The following GLIS3 variants were observed in gnomAD, a reference collection of about 807,000 sequenced individuals.
GLIS3 encodes zinc finger protein GLIS3.
GLIS3 carries 53 observed loss-of-function variants against 78.6 expected under a neutral mutation model. The ratio of observed to expected loss-of-function variants is 0.67; its 90% confidence interval spans 0.54 to 0.85. The LOEUF (loss-of-function observed/expected upper bound fraction) is 0.85, where lower values mean the gene tolerates loss of function less well. GLIS3 is among the 40% of genes least tolerant of loss of function. The pLI is 0.00. For synonymous variants in GLIS3, 684 were observed against 509.9 expected, an observed-to-expected ratio of 1.34 and a Z score of -4.60; for missense variants, 1,703 against 1,231.1, an observed-to-expected ratio of 1.38 and a Z score of -5.74.
intron 1 of GLIS3, among the ~76,000 whole-genome samples, chr9:4,291,421 G>C (rs1288208229): frequency 6.6e-6 from 1 of 152,018 alleles, no homozygotes; most frequent in Admixed American, 6.5e-5. Flanking sequence ...AATCTAATCA[G>C]AGATATAAAT....
At chr9:4,138,305 T>G (rs1008971733) in intron 2 of GLIS3, among the ~76,000 whole-genome samples, 2 of 152,214 alleles carry the variant, frequency 1.3e-5, no homozygotes, top group African/African-American at 2.4e-5. Context: ...TACTGGGTGT[T>G]AGGCTTGGTC....
intron 4 of GLIS3, among the ~76,000 whole-genome samples, chr9:3,967,029 A>C (rs1588337643): frequency 7.4e-6 from 1 of 134,378 alleles, no homozygotes. Flanking sequence ...AAAAAAAAAA[A>C]AAAACAAAAA....
At chr9:4,252,033 G>A (rs775795269) in intron 2 of GLIS3, among the ~76,000 whole-genome samples, 2 of 152,094 alleles carry the variant, frequency 1.3e-5, no homozygotes, top group African/African-American at 2.4e-5. Context: ...TGGCTGCCCT[G>A]AACATTTTTT....
At chr9:3,904,286 C>T (rs1823515032) in intron 6 of GLIS3, among the ~76,000 whole-genome samples, 1 of 152,202 alleles carries the variant, frequency 6.6e-6, no homozygotes, top group African/African-American at 2.4e-5. Flanking sequence ...GGGCAAGACT[C>T]ATCCAATCAG....
chr9:3,849,217 G>A (rs1035048706), intron 9 of GLIS3, among the ~76,000 whole-genome samples: 2 of 152,202 alleles, frequency 1.3e-5, no homozygotes, highest in African/African-American at 4.8e-5. Flanking sequence ...AGTCTACCCC[G>A]ACTTCCAAGG....
At chr9:4,112,579 G>C (rs974903914) in intron 4 of GLIS3, among the ~76,000 whole-genome samples, 2 of 152,176 alleles carry the variant, frequency 1.3e-5, no homozygotes, top group African/African-American at 4.8e-5. Flanking sequence ...GGGTACTTCG[G>C]ATGATTCCAG....
chr9:4,490,419 G>C, the GLIS3 span: 1 of 252,086 alleles, frequency 4.0e-6, no homozygotes, highest in Non-Finnish European at 7.4e-6. Flanking sequence ...GGTTGGCCCA[G>C]GCGCCGCAGA....
intron 2 of GLIS3, among the ~76,000 whole-genome samples, chr9:4,190,399 A>G: frequency 6.6e-6 from 1 of 151,778 alleles, no homozygotes. Flanking sequence ...AAGCCTCAGG[A>G]GCCGATGCGA....
At chr9:4,015,168 G>A (rs1376149170) in intron 4 of GLIS3, among the ~76,000 whole-genome samples, 5 of 152,316 alleles carry the variant, frequency 3.3e-5, no homozygotes, top group East Asian at 1.9e-4. Context: ...AAGGAAATCT[G>A]AAAGATATAT....
intron 4 of GLIS3, among the ~76,000 whole-genome samples, chr9:3,951,886 G>GCACGCA: frequency 1.7e-5 from 1 of 60,558 alleles, no homozygotes; most frequent in Non-Finnish European, 3.5e-5. Flanking sequence ...ACACACACAC[G>GCACGCA]CACGCACACA....
intron 6 of GLIS3, among the ~76,000 whole-genome samples, chr9:3,925,126 T>C (rs1405442563): frequency 1.3e-5 from 2 of 152,164 alleles, no homozygotes; most frequent in Admixed American, 6.5e-5. Context: ...TGACAAAATA[T>C]TGTAATGTAA....
chr9:4,459,445 G>C, the GLIS3 span, among the ~76,000 whole-genome samples: 1 of 152,140 alleles, frequency 6.6e-6, no homozygotes, highest in Non-Finnish European at 1.5e-5. Context: ...AAACGAGAGT[G>C]GTATCCCAGA....
chr9:3,921,884 A>G (rs1824911455), intron 6 of GLIS3, among the ~76,000 whole-genome samples: 2 of 151,758 alleles, frequency 1.3e-5, no homozygotes, highest in African/African-American at 4.8e-5. Flanking sequence ...TAAGAACTGT[A>G]TATCAATAGT....
Position 4,118,362 on chromosome 9 carries a change from C to G in GLIS3, c.1116G>C (p.Val372=). ...GCGCCAGGCCTCCAGGGGCCACCAG[C>G]ACGCCCTTCTGGCTGCCGGGCACCG... ...PRPVPGSQKG[V]LVAPGGLALP... is the part of the protein sequence containing the mutation. Residue 372 remains valine (V), a synonymous_variant, in exon 4 of 11, where the codon GTG becomes GTC. Transcript: ENST00000381971. The surrounding 1 kb of genome is among the most constrained non-coding windows in gnomAD (Gnocchi z 4.7). 1 of 1,588,626 alleles carries G rather than the reference C, an allele frequency of 6.3e-7. No homozygotes were observed. Among genetic ancestry groups the G allele is most frequent in the South Asian group, 1.1e-5 (1 of 89,330 alleles).
chr9:4,107,945 AGT>A (rs746073436), intron 4 of GLIS3, among the ~76,000 whole-genome samples: 1 of 151,314 alleles, frequency 6.6e-6, no homozygotes, highest in Non-Finnish European at 1.5e-5. Flanking sequence ...TCTAGCTTCA[AGT>A]GTGTGTGTGT....
At chr9:3,840,400 C>G (rs374947681) in intron 9 of GLIS3, among the ~76,000 whole-genome samples, 9 of 152,218 alleles carry the variant, frequency 5.9e-5, no homozygotes, top group South Asian at 2.1e-4. Context: ...TACTAAGCAT[C>G]CTCCTGGAAG....
intron 4 of GLIS3, among the ~76,000 whole-genome samples, chr9:4,094,531 G>C (rs1321494919): frequency 2.0e-5 from 3 of 152,134 alleles, no homozygotes; most frequent in Non-Finnish European, 4.4e-5. Flanking sequence ...ACAATCCTCA[G>C]CCTATAACAG....
intron 2 of GLIS3, among the ~76,000 whole-genome samples, chr9:4,199,676 CA>C (rs1254819449): frequency 1.3e-5 from 2 of 151,802 alleles, no homozygotes; most frequent in Non-Finnish European, 2.9e-5. Flanking sequence ...TCTAGACCTA[CA>C]AAAAAGACTT....
rs140237802 is a variant in GLIS3, at chr9:4,179,814, G to T, written c.389-53873C>A. ...AATCCCAGCTACCCAGGAGGCTGAG[G>T]CAGGAGAATCGCTGGAACCCGGGAG... On this transcript the variant is annotated intron_variant, in intron 2 of 10. Transcript: ENST00000381971. Among the ~76,000 whole-genome samples the T allele has an allele frequency of 9.1e-3, 1,386 of 151,936 alleles. 17 individuals are homozygous for T. Among genetic ancestry groups the T allele is most frequent in the African/African-American group, 0.031 (1,278 of 41,438 alleles).
Sources: allele counts gnomAD v4.1 joint callset (sites outside exome capture counted in the v4.1 genomes callset), GRCh38; gene constraint gnomAD v4.1.1; non-coding constraint Gnocchi (gnomAD v3.1); transcripts MANE v1.5; gene names NCBI Gene and HGNC (gene_info 2026-07-23, HGNC 2026-07-21).